Variants in TUBGCP2 observed in about 807,000 individuals in gnomAD.
The protein encoded by TUBGCP2 is gamma-tubulin complex component 2.
In TUBGCP2, 55 loss-of-function variants were observed where a neutral mutation model predicts 92.2. The ratio of observed to expected loss-of-function variants is 0.60; its 90% CI spans 0.48 to 0.75. The LOEUF is 0.75. Ranked by LOEUF, TUBGCP2 falls within the 30% of genes least tolerant of loss-of-function variation. The pLI, the probability that TUBGCP2 is intolerant of heterozygous loss-of-function variation, is 0.00. For missense variants in TUBGCP2, 1,093 were observed against 1,188.9 expected (o/e 0.92, Z 1.19); for synonymous variants, 533 against 505.2 (o/e 1.06, Z -0.74).
rs771968292 is a variant in TUBGCP2 at position 133,281,451 on chromosome 10, G to C, written c.2410-15C>G. On this transcript the variant is annotated splice_polypyrimidine_tract_variant and intron_variant, in intron 16 of 17. Transcript: ENST00000252936. ...TCAGCCAGGTGCTGGAAAGAAAGCCGGGGTGCGTGAGCCATGCCCACCCCC... is the reference window on the plus strand; with the variant it reads ...TCAGCCAGGTGCTGGAAAGAAAGCCCGGGTGCGTGAGCCATGCCCACCCCC... The C allele has an allele frequency of 5.6e-6, 9 of 1,609,356 alleles. No individual in the cohort carries two copies. Among genetic ancestry groups the C allele is most frequent in the Middle Eastern group, 1.8e-4 (1 of 5,654 alleles).
chr10:133,288,124 C>A lies in TUBGCP2; in HGVS notation c.1722+5G>T, dbSNP rs1847179244. Reference sequence around the variant, plus strand: ...CAGGGGACAGCCCCCGGCACCCCCACCCACCTTGAGGTCGTCCTTGAAGGG... The same window carrying A: ...CAGGGGACAGCCCCCGGCACCCCCAACCACCTTGAGGTCGTCCTTGAAGGG... On this transcript the variant is annotated splice_donor_5th_base_variant and intron_variant, in intron 11 of 17. Coordinates refer to ENST00000252936, the MANE Select transcript of TUBGCP2 (RefSeq NM_006659.4). 6.2e-7 allele frequency: 1 copy of A among 1,606,288 alleles called. No individual in the cohort carries two copies. Among genetic ancestry groups the A allele is most frequent in the Non-Finnish European group, 8.5e-7 (1 of 1,174,542 alleles).
At chr10:133,292,933 C>G in intron 7 of TUBGCP2, 106 bp downstream of exon 7, 1 of 1,341,554 alleles carries the variant, frequency 7.5e-7, no homozygotes, top group Non-Finnish European at 1.0e-6. Context: ...ACGCCCCTGC[C>G]CTGGGCAGCT....
upstream of TUBGCP2, chr10:133,310,320 C>T: frequency 6.2e-7 from 1 of 1,611,778 alleles, no homozygotes; most frequent in South Asian, 1.1e-5. Context: ...CACGTGTCTG[C>T]TTTTGATTTT....
At chr10:133,312,124 G>C, upstream of TUBGCP2, 1 of 1,440,236 alleles carries the variant, frequency 6.9e-7, no homozygotes, top group African/African-American at 1.4e-5. Flanking sequence ...CTCACTTGCA[G>C]TTGCTTCAGT....
chr10:133,290,275 A>G, intron 8 of TUBGCP2: 1 of 300,446 alleles, frequency 3.3e-6, no homozygotes. Context: ...TGGGCAGATC[A>G]CGAAGTCAAG....
chr10:133,279,974 A>C, intron 17 of TUBGCP2, 73 bp from the exon 18 acceptor site: 1 of 1,554,442 alleles, frequency 6.4e-7, no homozygotes, highest in African/African-American at 1.4e-5. Context: ...GGGGTGTGGA[A>C]GGACGGTGCA....
intron 8 of TUBGCP2, among the ~76,000 whole-genome samples, chr10:133,291,248 CCCCA>C (rs1847283535): frequency 1.5e-5 from 1 of 68,384 alleles, no homozygotes; most frequent in African/African-American, 2.1e-4. Flanking sequence ...CCTCCGTGTC[CCCCA>C]TGTCCCTCCG....
intron 14 of TUBGCP2, among the ~76,000 whole-genome samples, chr10:133,283,485 C>T (rs1468718036): frequency 6.6e-6 from 1 of 152,268 alleles, no homozygotes; most frequent in African/African-American, 2.4e-5. Flanking sequence ...ATTCTGCCTT[C>T]AGGCCCCTCA....
At position 133,307,112 on chromosome 10, in the gene TUBGCP2, A is replaced by T. The variant is rs184684256; in HGVS notation, c.-40+1711T>A. Among the ~76,000 whole-genome samples the T allele has an allele frequency of 2.1e-4, 32 of 152,352 alleles. 1 individual carries two copies. The East Asian group carries it at 5.8e-3, about 28-fold the overall frequency. ...AGAAATGCACAGCGTCCCACTGAAAACACAGCTCTGAGGAACATCTAGCCG... is the reference window on the plus strand; with the variant it reads ...AGAAATGCACAGCGTCCCACTGAAATCACAGCTCTGAGGAACATCTAGCCG... On this transcript the variant is annotated intron_variant, in intron 1 of 17. Coordinates refer to ENST00000252936, the MANE Select transcript of TUBGCP2 (RefSeq NM_006659.4).
chr10:133,308,524 G>A (rs1452735697), intron 1 of TUBGCP2: 2 of 154,906 alleles, frequency 1.3e-5, no homozygotes, highest in Admixed American at 6.5e-5. Flanking sequence ...GACGGGAGAG[G>A]GCGTGCGAGA....
At chr10:133,307,541 C>T (rs1025175730) in intron 1 of TUBGCP2, among the ~76,000 whole-genome samples, 3 of 152,238 alleles carry the variant, frequency 2.0e-5, no homozygotes, top group Non-Finnish European at 4.4e-5. Flanking sequence ...ACTCAACATT[C>T]TGAGAAATGC....
At chr10:133,280,448 C>T (rs1188215612) in intron 17 of TUBGCP2, among the ~76,000 whole-genome samples, 1 of 152,228 alleles carries the variant, frequency 6.6e-6, no homozygotes, top group Non-Finnish European at 1.5e-5. Flanking sequence ...GACAGCACCC[C>T]CAAGGGCACC....
intron 2 of TUBGCP2, among the ~76,000 whole-genome samples, chr10:133,301,039 T>C (rs1847639169): frequency 6.6e-6 from 1 of 152,206 alleles, no homozygotes; most frequent in Non-Finnish European, 1.5e-5. Context: ...ATTGTCTGCA[T>C]CTCACTGTAT....
At chr10:133,302,609 C>T (rs1417202545) in intron 2 of TUBGCP2, 183 bp downstream of exon 2, 2 of 667,582 alleles carry the variant, frequency 3.0e-6, no homozygotes, top group Non-Finnish European at 5.1e-6. Context: ...GTTCATCCTG[C>T]ACCCTGACCC....
upstream of TUBGCP2, chr10:133,311,837 CAT>C: frequency 6.2e-7 from 1 of 1,613,388 alleles, no homozygotes; most frequent in South Asian, 1.1e-5. Flanking sequence ...GATCTACAGA[CAT>C]AGGTCAGTGT....
Position 133,292,666 on chromosome 10 carries a change from T to C in TUBGCP2, c.1047A>G (p.Glu349=), listed in dbSNP as rs764159959. The change falls in exon 8 of 18, where the codon GAA becomes GAG. Residue 349 remains glutamate (E), a synonymous_variant. Transcript: ENST00000252936. The part of the protein sequence containing the change: ...ASLATSVDKG[E]CLGGSTLSLL... The stretch of plus-strand genomic sequence containing the variant: ...GGCTCAGCGTGGACCCCCCAAGACA[T>C]TCGCCTTTGTCCACCGAGGTGGCTG... 4 of 1,613,852 alleles carry C rather than the reference T, an allele frequency of 2.5e-6. No homozygotes were observed. The highest frequency in any genetic ancestry group is 3.4e-6 in the Non-Finnish European group (4 of 1,179,912).
Position 133,293,603 on chromosome 10 carries a change from G to A in TUBGCP2, c.783C>T (p.His261=). 1 of 1,560,292 alleles carries A rather than the reference G, an allele frequency of 6.4e-7. No homozygotes were observed. The highest frequency in any genetic ancestry group is 8.7e-7 in the Non-Finnish European group (1 of 1,152,266). Reference sequence around the variant, plus strand: ...AGCTGGCGGCCACTGGGAGGATCCTGTGCACCAGCTCCCTGATGGACAGGT... The same window carrying A: ...AGCTGGCGGCCACTGGGAGGATCCTATGCACCAGCTCCCTGATGGACAGGT... ...NLDLSIRELV[H]RILPVAASYS... The change falls in exon 6 of 18, where the codon CAC becomes CAT. Residue 261 remains histidine, a synonymous_variant. Transcript: ENST00000252936.
At chr10:133,301,165 G>C (rs905394122) in intron 2 of TUBGCP2, among the ~76,000 whole-genome samples, 1 of 152,174 alleles carries the variant, frequency 6.6e-6, no homozygotes, top group African/African-American at 2.4e-5. Flanking sequence ...TTTCGCTCTT[G>C]TTGCCCAGGC....
In TUBGCP2 at chr10:133,285,865, C is replaced by G. The variant is rs1564935995; in HGVS notation, c.1723-237G>C. Among the ~76,000 whole-genome samples the G allele has an allele frequency of 6.6e-6, 1 of 152,078 alleles. No homozygotes were observed. Among genetic ancestry groups the G allele is most frequent in the East Asian group, 1.9e-4 (1 of 5,186 alleles). The stretch of plus-strand genomic sequence containing the variant: ...ATTCAGATGAATTACTTTGTAAATA[C>G]CCACTGCTGCTGTGGGTGGTATAAG... On this transcript the variant is annotated intron_variant, in intron 11 of 17. Transcript: ENST00000252936. The surrounding 1 kb of genome is among the most constrained non-coding windows in gnomAD (Gnocchi z 6.8).
Sources: gnomAD v4.1 joint callset for allele counts (sites outside exome capture counted in the v4.1 genomes callset) on GRCh38, gnomAD v4.1.1 for gene constraint, Gnocchi (gnomAD v3.1) non-coding constraint, MANE v1.5 for transcripts, NCBI Gene and HGNC (gene_info 2026-07-23, HGNC 2026-07-21) for gene names.